The following HACD3 variants were observed in gnomAD, a reference collection of about 807,000 sequenced individuals.
HACD3 encodes the protein very-long-chain (3R)-3-hydroxyacyl-CoA dehydratase 3.
Under a neutral mutation model 55.2 loss-of-function variants are expected in HACD3, and 30 were observed. That is an observed-to-expected ratio of 0.54 (90% confidence interval 0.41 to 0.74). HACD3 has a LOEUF of 0.74. Ranked by LOEUF, HACD3 falls within the 30% of genes least tolerant of loss-of-function variation. The probability of loss-of-function intolerance (pLI) is 0.00; values close to 1 mark genes in which losing one functional copy is unlikely to be tolerated. For synonymous variants in HACD3, 141 were observed against 151.7 expected (o/e 0.93, Z 0.52); for missense variants, 363 against 440.1 (o/e 0.82, Z 1.57).
intron 1 of HACD3, among the ~76,000 whole-genome samples, chr15:65,536,497 A>G (rs2071956737): frequency 1.3e-5 from 2 of 152,132 alleles, no homozygotes; most frequent in African/African-American, 4.8e-5. Context: ...GTGATGGCTC[A>G]TGCCTGTAAT....
intron 5 of HACD3, among the ~76,000 whole-genome samples, chr15:65,561,067 A>G (rs1325804791): frequency 6.6e-6 from 1 of 152,200 alleles, no homozygotes; most frequent in Admixed American, 6.5e-5. Flanking sequence ...TATATAACCA[A>G]ATATCAGGGT....
intron 6 of HACD3, among the ~76,000 whole-genome samples, chr15:65,563,599 G>A (rs2072263567): frequency 6.6e-6 from 1 of 152,152 alleles, no homozygotes; most frequent in Non-Finnish European, 1.5e-5. Flanking sequence ...CGCCCAGGAG[G>A]TTGAAGCTGC....
intron 8 of HACD3, among the ~76,000 whole-genome samples, chr15:65,570,437 G>C (rs2072336866): frequency 1.3e-5 from 2 of 152,228 alleles, no homozygotes; most frequent in Non-Finnish European, 2.9e-5. Flanking sequence ...GAGAACCAGA[G>C]AAAGGGAAGA....
At chr15:65,554,395 G>T (rs951584300) in intron 2 of HACD3, among the ~76,000 whole-genome samples, 11 of 152,172 alleles carry the variant, frequency 7.2e-5, no homozygotes, top group African/African-American at 2.7e-4. Flanking sequence ...CTGTTGAGGA[G>T]CTCTGCGCAC....
At chr15:65,560,408 T>C (rs2072232878) in intron 5 of HACD3, among the ~76,000 whole-genome samples, 1 of 152,194 alleles carries the variant, frequency 6.6e-6, no homozygotes, top group South Asian at 2.1e-4. Flanking sequence ...TCTTCATGAA[T>C]CTTAGGCTGC....
intron 1 of HACD3, chr15:65,535,820 C>T: frequency 1.6e-6 from 1 of 631,982 alleles, no homozygotes; most frequent in Non-Finnish European, 2.9e-6. Context: ...CTCAGCCTAC[C>T]AAGTAGGACT....
intron 1 of HACD3, among the ~76,000 whole-genome samples, chr15:65,537,016 A>G (rs2071961472): frequency 6.6e-6 from 1 of 152,222 alleles, no homozygotes; most frequent in South Asian, 2.1e-4. Flanking sequence ...GCTGATATGA[A>G]GAAAGTTTGA....
At chr15:65,552,895 A>C (rs1463381134) in intron 2 of HACD3, among the ~76,000 whole-genome samples, 11 of 129,044 alleles carry the variant, frequency 8.5e-5, no homozygotes, top group African/African-American at 1.5e-4. Context: ...TCCTGTGTCC[A>C]TGTGATCTCA....
chr15:65,537,950 AAAAAAAAAATATATATAT>A (rs1241583001), intron 1 of HACD3, among the ~76,000 whole-genome samples: 4 of 52,544 alleles, frequency 7.6e-5, no homozygotes, highest in Admixed American at 5.9e-4. Flanking sequence ...AAAAAAAAAA[AAAAAAAAAATATATATAT>A]ATATATATAT....
intron 1 of HACD3, among the ~76,000 whole-genome samples, chr15:65,535,116 A>G (rs1460754386): frequency 6.6e-6 from 1 of 152,240 alleles, no homozygotes; most frequent in East Asian, 1.9e-4. Context: ...AATCAGTTTC[A>G]GGTGCATTAA....
chr15:65,554,747 C>T (rs1029173733), intron 2 of HACD3, 140 bp from the exon 3 acceptor site: 24 of 537,232 alleles, frequency 4.5e-5, no homozygotes, highest in Middle Eastern at 8.6e-4. Context: ...TGCACTCCAG[C>T]CTGGGCAACA....
chr15:65,549,012 G>A (rs1447433259), intron 1 of HACD3, among the ~76,000 whole-genome samples: 1 of 152,148 alleles, frequency 6.6e-6, no homozygotes, highest in Non-Finnish European at 1.5e-5. Flanking sequence ...TAGGTGCATG[G>A]CACCGGGCCT....
intron 2 of HACD3, 93 bp downstream of exon 2, chr15:65,551,811 T>G: frequency 6.9e-7 from 1 of 1,455,230 alleles, no homozygotes; most frequent in Non-Finnish European, 9.6e-7. Context: ...TTGTCTTACT[T>G]GTTTTTTGCT....
At chr15:65,545,378 A>G (rs1427067904) in intron 1 of HACD3, among the ~76,000 whole-genome samples, 1 of 152,248 alleles carries the variant, frequency 6.6e-6, no homozygotes, top group African/African-American at 2.4e-5. Context: ...GGGCTAATAA[A>G]TAAAAGTGTA....
chr15:65,555,034 A>G lies in HACD3; in HGVS notation c.204+74A>G, dbSNP rs575606002. On this transcript the variant is annotated intron_variant, in intron 3 of 10. Coordinates refer to ENST00000261875, the MANE Select transcript of HACD3 (RefSeq NM_016395.4). Reference sequence around the variant, plus strand: ...CCAGTAGTTTAGTGAAATGGGGAGCAGGGTTTGTGGAGAGAAGAAGATAAA... The same window carrying G: ...CCAGTAGTTTAGTGAAATGGGGAGCGGGGTTTGTGGAGAGAAGAAGATAAA... 3 of 1,199,296 alleles carry G rather than the reference A, an allele frequency of 2.5e-6. No individual in the cohort carries two copies. The East Asian group carries it at 7.1e-5, about 28-fold the overall frequency. The allele number at this position is 1,199,296 out of a possible 1,614,324, so 74.3% of individuals were successfully genotyped here.
chr15:65,564,380 G>T, intron 7 of HACD3, 38 bp downstream of exon 7: 13 of 1,600,244 alleles, frequency 8.1e-6, no homozygotes, highest in Non-Finnish European at 1.1e-5. Context: ...GTAATGGAAG[G>T]TCCCATTATT....
In HACD3 at chr15:65,557,876, C is replaced by T. The variant is rs78186982; in HGVS notation, c.370-804C>T. 2.0e-5 allele frequency among the ~76,000 whole-genome samples: 3 copies of T among 151,192 alleles called. No individual in the cohort carries two copies. In the East Asian group the frequency reaches 5.8e-4, roughly 29 times the overall value. On this transcript the variant is annotated intron_variant, in intron 4 of 10. Transcript: ENST00000261875. ...ACTAACTGGCCTTTGGTTATGTCCT[C>T]ATCCTGCCCATCTTTCATTTGGCTT...
intron 9 of HACD3, among the ~76,000 whole-genome samples, chr15:65,571,914 G>C (rs1225268459): frequency 6.6e-6 from 1 of 152,206 alleles, no homozygotes; most frequent in Non-Finnish European, 1.5e-5. Flanking sequence ...GTATTCCAAA[G>C]GGGGTTCTTA....
At chr15:65,533,759 G>T (rs1219493282) in intron 1 of HACD3, among the ~76,000 whole-genome samples, 1 of 123,612 alleles carries the variant, frequency 8.1e-6, no homozygotes, top group Non-Finnish European at 1.8e-5. Context: ...AAAAAAAAAA[G>T]AAAGAAAAGC....
Sources: allele counts gnomAD v4.1 joint callset (sites outside exome capture counted in the v4.1 genomes callset), GRCh38; gene constraint gnomAD v4.1.1; transcripts MANE v1.5; gene names NCBI Gene and HGNC (gene_info 2026-07-23, HGNC 2026-07-21).